Variants in CDH11 observed in about 807,000 individuals in gnomAD.
CDH11 encodes the protein cadherin-11.
CDH11 carries 11 observed loss-of-function variants against 67.8 expected under a neutral mutation model. The ratio of observed to expected loss-of-function variants is 0.16; its 90% CI spans 0.10 to 0.27. CDH11 has a LOEUF of 0.27. CDH11 is among the 10% of genes least tolerant of loss of function. CDH11 has a pLI of 1.00. For synonymous variants in CDH11, 419 were observed against 400.0 expected, an observed-to-expected ratio of 1.05 and a Z score of -0.57; for missense variants, 847 against 1,031.2, an observed-to-expected ratio of 0.82 and a Z score of 2.45.
chr16:64,963,313 T>C (rs2071723189), intron 11 of CDH11, among the ~76,000 whole-genome samples: 1 of 152,112 alleles, frequency 6.6e-6, no homozygotes, highest in South Asian at 2.1e-4. Flanking sequence ...AAATAGAGAA[T>C]GCCTTCAAAG....
chr16:65,021,597 C>G (rs924764830), intron 2 of CDH11, among the ~76,000 whole-genome samples: 23 of 137,046 alleles, frequency 1.7e-4, no homozygotes, highest in Non-Finnish European at 3.1e-4. Flanking sequence ...TATTAGTTAT[C>G]CATGTTTAAT....
At chr16:65,044,199 A>G (rs2073915462) in intron 2 of CDH11, among the ~76,000 whole-genome samples, 1 of 152,022 alleles carries the variant, frequency 6.6e-6, no homozygotes, top group Non-Finnish European at 1.5e-5. Context: ...CATTCCACAC[A>G]CTCCAATAGA....
chr16:64,977,991 A>C (rs2072224352), intron 8 of CDH11, among the ~76,000 whole-genome samples: 1 of 152,194 alleles, frequency 6.6e-6, no homozygotes, highest in Non-Finnish European at 1.5e-5. Context: ...ATTTTCTTTG[A>C]TATAAATGGA....
At chr16:64,975,383 A>C (rs1244905446) in intron 8 of CDH11, among the ~76,000 whole-genome samples, 2 of 152,216 alleles carry the variant, frequency 1.3e-5, no homozygotes, top group East Asian at 1.9e-4. Context: ...TCAATAACGC[A>C]TGATGGGCAA....
At chr16:64,975,797 C>T (rs2072150510) in intron 8 of CDH11, among the ~76,000 whole-genome samples, 1 of 152,056 alleles carries the variant, frequency 6.6e-6, no homozygotes. Flanking sequence ...CCCCCAACCT[C>T]AGCACTACAC....
At position 65,121,777 on chromosome 16, in the gene CDH11, C is replaced by T. The variant is rs2075335447; in HGVS notation, c.-298+103G>A. ...TCGACTCAGATACCACCGTCCCCCT[C>T]ACCACCCCGCCCCGCCAAGACATTC... On this transcript the variant is annotated intron_variant, in intron 1 of 12. Coordinates refer to ENST00000268603, the MANE Select transcript of CDH11 (RefSeq NM_001797.4). This position sits in a 1 kb window ranked among gnomAD's most constrained non-coding sequence, Gnocchi z 4.1. The T allele has an allele frequency of 2.9e-6, 2 of 698,726 alleles. No homozygotes were observed. The highest frequency in any genetic ancestry group is 5.2e-6 in the Non-Finnish European group (2 of 383,452). 43.3% of individuals were successfully genotyped at this position (698,726 alleles called of 1,614,324 possible).
chr16:65,022,608 G>A (rs1391690973), intron 2 of CDH11, among the ~76,000 whole-genome samples: 2 of 152,168 alleles, frequency 1.3e-5, no homozygotes, highest in Admixed American at 6.5e-5. Context: ...AAAGAAAATG[G>A]TGTTACAGAA....
chr16:65,051,818 C>T (rs2074060956), intron 2 of CDH11, among the ~76,000 whole-genome samples: 1 of 152,172 alleles, frequency 6.6e-6, no homozygotes, highest in African/African-American at 2.4e-5. Context: ...TCTCCTTCCA[C>T]CATGATTCTA....
intron 3 of CDH11, among the ~76,000 whole-genome samples, chr16:65,001,965 A>G (rs2072930730): frequency 6.6e-6 from 1 of 152,186 alleles, no homozygotes; most frequent in African/African-American, 2.4e-5. Flanking sequence ...CTGAAAGTCC[A>G]TGGTTTACCA....
At chr16:64,949,654 A>G (rs1396956660) in intron 12 of CDH11, among the ~76,000 whole-genome samples, 3 of 151,860 alleles carry the variant, frequency 2.0e-5, no homozygotes, top group Non-Finnish European at 2.9e-5. Flanking sequence ...TTGAACTCCC[A>G]ACTTCAGGTG....
intron 8 of CDH11, among the ~76,000 whole-genome samples, chr16:64,974,347 G>A (rs554329080): frequency 3.3e-5 from 5 of 152,244 alleles, no homozygotes; most frequent in African/African-American, 1.2e-4. Context: ...TACAAAATGA[G>A]TATGTCAGAA....
chr16:65,072,102 G>A (rs2074428142), intron 1 of CDH11: 1 of 152,422 alleles, frequency 6.6e-6, no homozygotes, highest in African/African-American at 2.4e-5. Context: ...TTCCTTGACA[G>A]GCAGATTCCA....
At chr16:65,022,476 T>C (rs1350759758) in intron 2 of CDH11, among the ~76,000 whole-genome samples, 2 of 152,198 alleles carry the variant, frequency 1.3e-5, no homozygotes, top group African/African-American at 2.4e-5. Flanking sequence ...GTATTCACCA[T>C]TGTCCTCACG....
chr16:64,977,503 C>G (rs2072204687), intron 8 of CDH11, among the ~76,000 whole-genome samples: 1 of 152,150 alleles, frequency 6.6e-6, no homozygotes, highest in South Asian at 2.1e-4. Flanking sequence ...TATTCTAGGC[C>G]AGAGATAACT....
chr16:64,959,853 G>T (rs771273567), intron 11 of CDH11, among the ~76,000 whole-genome samples: 3 of 152,138 alleles, frequency 2.0e-5, no homozygotes, highest in East Asian at 3.8e-4. Context: ...TAGTTCGGGG[G>T]GAAAACAGAA....
intron 9 of CDH11, 38 bp downstream of exon 9, chr16:64,972,866 T>C (rs1263473104): frequency 1.2e-6 from 2 of 1,607,824 alleles, no homozygotes; most frequent in South Asian, 2.2e-5. Context: ...CGATAATACT[T>C]GGTAAAGTAG....
At position 64,947,117 on chromosome 16, in the gene CDH11, C is replaced by T. The variant is rs563617328; in HGVS notation, c.*486G>A. On this transcript the variant is annotated 3_prime_UTR_variant, in exon 13 of 13. Coordinates refer to ENST00000268603, the MANE Select transcript of CDH11 (RefSeq NM_001797.4). ...ATAATTGTACATTGTATTGTACATA[C>T]ATTGTATGGGTTTAAGCTGGCTGAA... is the stretch of plus-strand genomic sequence containing the variant. The T allele has an allele frequency of 9.7e-7, 1 of 1,036,124 alleles. No homozygotes were observed. The highest frequency in any genetic ancestry group is 1.7e-5 in the African/African-American group (1 of 59,412). The allele number at this position is 1,036,124 out of a possible 1,614,324, so 64.2% of individuals were successfully genotyped here. A position where few individuals can be genotyped will look rare whatever the true frequency, so the allele number is the denominator to read the frequency against.
chr16:65,049,536 C>G (rs894316901), intron 2 of CDH11, among the ~76,000 whole-genome samples: 1 of 152,156 alleles, frequency 6.6e-6, no homozygotes, highest in African/African-American at 2.4e-5. Context: ...TATCACAGTA[C>G]CTGGTACAAG....
At position 64,991,889 on chromosome 16, in the gene CDH11, C is replaced by T; in HGVS notation, c.690G>A (p.Glu230=). Residue 230 remains glutamate, a synonymous_variant, in exon 6 of 13, where the codon GAG becomes GAA. Transcript: ENST00000268603. The part of the protein sequence containing the change: ...ALPNMDREAK[E]EYHVVIQAKD... The stretch of plus-strand genomic sequence containing the variant: ...TGGCCTGGATCACCACGTGGTACTC[C>T]TCCTTGGCCTCCCTGTCCATGTTGG... The T allele has an allele frequency of 6.2e-7, 1 of 1,613,780 alleles. No homozygotes were observed. The highest frequency in any genetic ancestry group is 8.5e-7 in the Non-Finnish European group (1 of 1,179,744).
Sources: gnomAD v4.1 joint callset for allele counts (sites outside exome capture counted in the v4.1 genomes callset) on GRCh38, gnomAD v4.1.1 for gene constraint, Gnocchi (gnomAD v3.1) non-coding constraint, MANE v1.5 for transcripts, NCBI Gene and HGNC (gene_info 2026-07-23, HGNC 2026-07-21) for gene names.